Variants in MAF observed in about 807,000 individuals in gnomAD.
MAF encodes MAF bZIP transcription factor.
A neutral mutation model predicts 22.0 loss-of-function variants in MAF; 10 were observed. The ratio of observed to expected loss-of-function variants is 0.45; its 90% CI spans 0.28 to 0.77. The LOEUF is 0.77. MAF is among the 30% of genes least tolerant of loss of function. The pLI, the probability that MAF is intolerant of heterozygous loss-of-function variation, is 0.12. For missense variants in MAF, 544 were observed against 548.4 expected (o/e 0.99, Z 0.08); for synonymous variants, 337 against 255.8 (o/e 1.32, Z -3.03).
At chr16:79,286,024 A>T in the MAF span, among the ~76,000 whole-genome samples, 1 of 152,298 alleles carries the variant, frequency 6.6e-6, no homozygotes, top group South Asian at 2.1e-4. Flanking sequence ...CCCACTGGCT[A>T]CTTCAGTTTA....
At chr16:79,449,738 T>C in the MAF span, among the ~76,000 whole-genome samples, 1 of 152,144 alleles carries the variant, frequency 6.6e-6, no homozygotes, top group Admixed American at 6.5e-5. Flanking sequence ...AAAATAGCAG[T>C]CGTTTCACCA....
At chr16:79,449,540 T>C in the MAF span, among the ~76,000 whole-genome samples, 1 of 152,144 alleles carries the variant, frequency 6.6e-6, no homozygotes, top group Non-Finnish European at 1.5e-5. Context: ...ATCACCTCTT[T>C]CTGCATGCAT....
chr16:79,489,451 A>AT, the MAF span, among the ~76,000 whole-genome samples: 1 of 152,212 alleles, frequency 6.6e-6, no homozygotes, highest in African/African-American at 2.4e-5. Context: ...AGAGGAGTTG[A>AT]TTCCCTGGGG....
At chr16:79,212,686 GTTTC>G in the MAF span, 2 of 152,180 alleles carry the variant, frequency 1.3e-5, no homozygotes, top group African/African-American at 4.8e-5. Context: ...AGTTTGTATT[GTTTC>G]TTTAAATGTT....
the MAF span, among the ~76,000 whole-genome samples, chr16:79,405,779 A>T: frequency 2.0e-5 from 3 of 151,730 alleles, no homozygotes; most frequent in Non-Finnish European, 4.4e-5. Context: ...TTAGTCCTCA[A>T]AACAGTGCAA....
At chr16:79,463,043 A>C in the MAF span, among the ~76,000 whole-genome samples, 2,848 of 152,302 alleles carry the variant, frequency 0.019, 106 homozygotes, top group African/African-American at 0.065. Context: ...GTCAATGGGA[A>C]TCTCCACTGC....
chr16:79,453,880 T>A, the MAF span, among the ~76,000 whole-genome samples: 1 of 152,186 alleles, frequency 6.6e-6, no homozygotes, highest in Non-Finnish European at 1.5e-5. Context: ...ACTGAATGTA[T>A]GTGGATTAAA....
chr16:79,377,570 G>A, the MAF span, among the ~76,000 whole-genome samples: 10 of 152,168 alleles, frequency 6.6e-5, no homozygotes, highest in East Asian at 1.9e-4. Context: ...TGTTGCCGTT[G>A]CTTTTGGTGT....
At chr16:79,531,174 A>G in the MAF span, among the ~76,000 whole-genome samples, 6 of 152,200 alleles carry the variant, frequency 3.9e-5, no homozygotes, top group Non-Finnish European at 8.8e-5. Flanking sequence ...GTATAAGCAT[A>G]CCCTTGCCTA....
the MAF span, among the ~76,000 whole-genome samples, chr16:79,392,730 G>T: frequency 1.2e-4 from 19 of 152,174 alleles, no homozygotes; most frequent in Non-Finnish European, 1.3e-4. Context: ...CCGCCATGCT[G>T]AGTAGGTAGC....
chr16:79,529,975 AT>A, the MAF span, among the ~76,000 whole-genome samples: 85 of 147,542 alleles, frequency 5.8e-4, 1 homozygote, highest in African/African-American at 1.9e-3. Flanking sequence ...AAAAAAAAAA[AT>A]GTTATTTTAA....
chr16:79,333,679 C>A, the MAF span, among the ~76,000 whole-genome samples: 1 of 152,180 alleles, frequency 6.6e-6, no homozygotes, highest in Non-Finnish European at 1.5e-5. Context: ...ACGCTGGATC[C>A]CAACATCTCT....
chr16:79,570,561 A>G, the MAF span, among the ~76,000 whole-genome samples: 1 of 152,166 alleles, frequency 6.6e-6, no homozygotes, highest in Non-Finnish European at 1.5e-5. Flanking sequence ...TATACATTTG[A>G]TACTCCTGTG....
At chr16:79,567,630 G>C in the MAF span, among the ~76,000 whole-genome samples, 1 of 152,222 alleles carries the variant, frequency 6.6e-6, no homozygotes, top group African/African-American at 2.4e-5. Context: ...GCTTCAGAAG[G>C]TGAAGCATGG....
chr16:79,552,137 G>A, the MAF span, among the ~76,000 whole-genome samples: 1 of 151,984 alleles, frequency 6.6e-6, no homozygotes, highest in African/African-American at 2.4e-5. Flanking sequence ...CTTCTCTCAG[G>A]ACAACGGGAA....
the MAF span, among the ~76,000 whole-genome samples, chr16:79,374,181 G>A: frequency 6.6e-6 from 1 of 152,120 alleles, no homozygotes; most frequent in African/African-American, 2.4e-5. Flanking sequence ...CTTAACTTGT[G>A]CCCCTATTTG....
the MAF span, among the ~76,000 whole-genome samples, chr16:79,265,943 G>A: frequency 2.0e-5 from 3 of 152,158 alleles, no homozygotes; most frequent in African/African-American, 4.8e-5. Flanking sequence ...GTCTACAGCA[G>A]GGATATGTTG....
At chr16:79,223,626 G>A in the MAF span, among the ~76,000 whole-genome samples, 1 of 152,112 alleles carries the variant, frequency 6.6e-6, no homozygotes, top group Non-Finnish European at 1.5e-5. Context: ...GATTAATAAA[G>A]AAGAAAAGAG....
At chr16:79,538,295 T>C in the MAF span, among the ~76,000 whole-genome samples, 1 of 152,322 alleles carries the variant, frequency 6.6e-6, no homozygotes, top group East Asian at 1.9e-4. Context: ...ACAAGATGCA[T>C]ATACAAACCA....
Sources: gnomAD v4.1 joint callset for allele counts (sites outside exome capture counted in the v4.1 genomes callset) on GRCh38, gnomAD v4.1.1 for gene constraint, MANE v1.5 for transcripts, NCBI Gene and HGNC (gene_info 2026-07-23, HGNC 2026-07-21) for gene names.